Variants in DST observed in about 807,000 individuals in gnomAD.
DST encodes bullous pemphigoid antigen.
Under a neutral mutation model 875.2 loss-of-function variants are expected in DST, and 253 were observed. The observed-to-expected ratio is 0.29, with a 90% CI of 0.26 to 0.32. The LOEUF is 0.32. DST is among the 10% of genes least tolerant of loss of function. The pLI is 1.00. For missense variants in DST, 8,287 were observed against 9,111.6 expected, an observed-to-expected ratio of 0.91 and a Z score of 3.68; for synonymous variants, 3,124 against 3,197.1, an observed-to-expected ratio of 0.98 and a Z score of 0.77.
At chr6:56,596,024 CTTAT>C (rs890524690) in intron 47 of DST, among the ~76,000 whole-genome samples, 4 of 146,588 alleles carry the variant, frequency 2.7e-5, no homozygotes, top group South Asian at 4.2e-4. Flanking sequence ...TATTTATTTA[CTTAT>C]TTATTTATTT....
At chr6:56,611,005 T>G (rs967384615) in intron 38 of DST, among the ~76,000 whole-genome samples, 3 of 152,142 alleles carry the variant, frequency 2.0e-5, no homozygotes, top group African/African-American at 7.2e-5. Context: ...TATGAAATAA[T>G]CCTAGGAGGA....
chr6:56,653,239 A>C (rs539643100), intron 10 of DST, among the ~76,000 whole-genome samples: 1 of 152,348 alleles, frequency 6.6e-6, no homozygotes, highest in African/African-American at 2.4e-5. Flanking sequence ...ACACAAAAGC[A>C]GCTGTAGAAT....
intron 4 of DST, among the ~76,000 whole-genome samples, chr6:56,782,743 C>G (rs1021696834): frequency 6.6e-6 from 1 of 151,940 alleles, no homozygotes; most frequent in Admixed American, 6.6e-5. Flanking sequence ...CTCTGATTTT[C>G]GTTATTTCTT....
rs372639720 is a variant in DST, at chr6:56,460,226, C to A, written c.23099G>T (p.Arg7700Leu). The change falls in exon 103 of 104, where the codon CGA becomes CTA. Residue 7700 changes from arginine (R) to leucine (L), a missense_variant. Coordinates refer to ENST00000680361, the MANE Select transcript of DST (RefSeq NM_001374736.1). ...TTTCCCTGATAAATATCCTGGAAGT[C>A]GAAGCTTGCTTCCTTGTATTGGCGT... The part of the protein sequence containing the change: ...EGTPIQGSKL[R>L]LPGYLSGKGF... 1 of 1,613,816 alleles carries A rather than the reference C, an allele frequency of 6.2e-7. No individual in the cohort carries two copies. Among genetic ancestry groups the A allele is most frequent in the East Asian group, 2.2e-5 (1 of 44,892 alleles).
intron 3 of DST, among the ~76,000 whole-genome samples, chr6:56,893,562 C>CTTTTTTTTTTTTTTTTTT (rs1282483681): frequency 2.8e-3 from 102 of 35,900 alleles, no homozygotes; most frequent in Non-Finnish European, 3.8e-3. Context: ...ACTTTTAGTT[C>CTTTTTTTTTTTTTTTTTT]TTTTTTTTTT....
At chr6:56,521,975 T>C (rs1290566332) in intron 69 of DST, among the ~76,000 whole-genome samples, 1 of 152,152 alleles carries the variant, frequency 6.6e-6, no homozygotes, top group African/African-American at 2.4e-5. Flanking sequence ...CATCCATAAT[T>C]GTATTTGGGG....
chr6:56,847,612 C>T (rs1361711103), intron 4 of DST, among the ~76,000 whole-genome samples: 6 of 152,194 alleles, frequency 3.9e-5, no homozygotes, highest in Non-Finnish European at 8.8e-5. Flanking sequence ...TTCCATCCCT[C>T]TAAAGTGGGC....
chr6:56,533,135 A>C (rs2096926555), intron 63 of DST, among the ~76,000 whole-genome samples: 1 of 152,350 alleles, frequency 6.6e-6, no homozygotes, highest in South Asian at 2.1e-4. Flanking sequence ...AGAAGATGTC[A>C]GAAATCTCCA....
intron 49 of DST, among the ~76,000 whole-genome samples, chr6:56,590,655 G>A (rs1225335115): frequency 3.3e-5 from 5 of 152,114 alleles, no homozygotes; most frequent in Non-Finnish European, 1.5e-5. Flanking sequence ...TTGGAAAAAA[G>A]GAAGCAACCC....
At chr6:56,918,414 A>T (rs959636178) in intron 2 of DST, among the ~76,000 whole-genome samples, 1 of 152,190 alleles carries the variant, frequency 6.6e-6, no homozygotes, top group African/African-American at 2.4e-5. Context: ...GGCATGAGCC[A>T]CCACACCCTC....
chr6:56,556,686 C>T (rs1163409827), intron 59 of DST, among the ~76,000 whole-genome samples: 1 of 152,150 alleles, frequency 6.6e-6, no homozygotes, highest in African/African-American at 2.4e-5. Context: ...CTGAAATCAC[C>T]ACAGAGCTTC....
At chr6:56,470,667 T>C (rs1426499174) in intron 95 of DST, among the ~76,000 whole-genome samples, 1 of 152,010 alleles carries the variant, frequency 6.6e-6, no homozygotes, top group Non-Finnish European at 1.5e-5. Flanking sequence ...ATAAGTATCT[T>C]AAGAAGTTTT....
intron 78 of DST, among the ~76,000 whole-genome samples, chr6:56,502,114 C>T (rs867575508): frequency 6.6e-6 from 1 of 152,080 alleles, no homozygotes; most frequent in Non-Finnish European, 1.5e-5. Context: ...CTGAAACACA[C>T]ACACATCTTG....
At chr6:56,817,423 T>C (rs1454095762) in intron 4 of DST, among the ~76,000 whole-genome samples, 1 of 152,138 alleles carries the variant, frequency 6.6e-6, no homozygotes, top group Non-Finnish European at 1.5e-5. Context: ...GATATGCAGG[T>C]TGGATGTTTG....
chr6:56,515,986 G>GA (rs1429938820), intron 71 of DST, among the ~76,000 whole-genome samples: 2 of 151,070 alleles, frequency 1.3e-5, no homozygotes, highest in African/African-American at 2.4e-5. Context: ...ATATTTTGCA[G>GA]AAAAAAAATA....
At chr6:56,802,395 C>T (rs2099748156) in intron 4 of DST, among the ~76,000 whole-genome samples, 1 of 152,044 alleles carries the variant, frequency 6.6e-6, no homozygotes, top group Non-Finnish European at 1.5e-5. Flanking sequence ...GCCAATAACA[C>T]TTTAACAAAG....
chr6:56,731,025 T>A (rs907007797), intron 5 of DST, among the ~76,000 whole-genome samples: 2 of 152,220 alleles, frequency 1.3e-5, no homozygotes, highest in Admixed American at 6.5e-5. Context: ...ATTAACTTTT[T>A]TCTGGAGAAA....
intron 3 of DST, among the ~76,000 whole-genome samples, chr6:56,889,362 G>A (rs1483378324): frequency 1.3e-5 from 2 of 152,104 alleles, no homozygotes; most frequent in Non-Finnish European, 2.9e-5. Context: ...CAGAAAAGAG[G>A]ATCACCCAAT....
Position 56,555,629 on chromosome 6 carries a change from T to C in DST, c.14852A>G (p.Gln4951Arg). 1 of 1,614,006 alleles carries C rather than the reference T, an allele frequency of 6.2e-7. No homozygotes were observed. The highest frequency in any genetic ancestry group is 8.5e-7 in the Non-Finnish European group (1 of 1,179,896). ...AAGGCTTCTCAGCAGGCTTTGATAC[T>C]GTGTGCTTTTAACAATGGCTTGGTC... Reference protein sequence around the residue: ...WIDQAIVKSTQYQSLLRSLSD... With the variant: ...WIDQAIVKSTRYQSLLRSLSD... Residue 4951 changes from glutamine to arginine, a missense_variant, in exon 60 of 104, where the codon CAG (glutamine) becomes CGG (arginine). Transcript: ENST00000680361.
Sources: gnomAD v4.1 joint callset for allele counts (sites outside exome capture counted in the v4.1 genomes callset) on GRCh38, gnomAD v4.1.1 for gene constraint, MANE v1.5 for transcripts, NCBI Gene and HGNC (gene_info 2026-07-23, HGNC 2026-07-21) for gene names.